CHST8: variants seen among roughly 807,000 people sequenced by gnomAD.
The protein encoded by CHST8 is carbohydrate sulfotransferase 8.
In CHST8, 10 loss-of-function variants were observed where a neutral mutation model predicts 15.0. The ratio of observed to expected loss-of-function variants is 0.67; its 90% CI spans 0.41 to 1.13. The LOEUF (loss-of-function observed/expected upper bound fraction) is 1.13. CHST8 is among the 50% of genes most tolerant of loss of function. CHST8 has a pLI of 0.00. For missense variants in CHST8, 634 were observed against 608.2 expected (o/e 1.04, Z -0.45); for synonymous variants, 259 against 256.6 (o/e 1.01, Z -0.09).
In CHST8 at chr19:33,745,358, C is replaced by T. The variant is rs373567461; in HGVS notation, c.131-26055C>T. On this transcript the variant is annotated intron_variant, in intron 3 of 4. Coordinates refer to ENST00000650847, the MANE Select transcript of CHST8 (RefSeq NM_001127895.2). Reference sequence around the variant, plus strand: ...GCCAGGGCATTTTCTTCCACTGGTACGCCATCCTAGTTTATCATCAATAAA... The same window carrying T: ...GCCAGGGCATTTTCTTCCACTGGTATGCCATCCTAGTTTATCATCAATAAA... Among the ~76,000 whole-genome samples the T allele has an allele frequency of 7.9e-5, 12 of 152,350 alleles. 1 individual carries two copies. Among genetic ancestry groups the T allele is most frequent in the South Asian group, 2.1e-4 (1 of 4,828 alleles).
At chr19:33,640,508 A>G (rs1447059357) in intron 1 of CHST8, among the ~76,000 whole-genome samples, 2 of 152,160 alleles carry the variant, frequency 1.3e-5, no homozygotes, top group African/African-American at 4.8e-5. Flanking sequence ...TTGAGAGCCC[A>G]TGGATGTCTT....
intron 1 of CHST8, among the ~76,000 whole-genome samples, chr19:33,652,308 C>T (rs1454708651): frequency 6.6e-6 from 1 of 150,380 alleles, no homozygotes; most frequent in Non-Finnish European, 1.5e-5. Context: ...GAAAGTGTCC[C>T]TCTAGTAAGT....
intron 3 of CHST8, among the ~76,000 whole-genome samples, chr19:33,742,060 T>A (rs961011640): frequency 1.3e-5 from 2 of 151,812 alleles, no homozygotes; most frequent in African/African-American, 4.8e-5. Context: ...CAGATGTAAA[T>A]GTCAAAAAAA....
At chr19:33,691,055 C>T (rs1029397236) in intron 3 of CHST8, among the ~76,000 whole-genome samples, 1 of 152,154 alleles carries the variant, frequency 6.6e-6, no homozygotes, top group Non-Finnish European at 1.5e-5. Context: ...CTGGACCCAT[C>T]GGTGGGACAC....
At chr19:33,623,256 C>T (rs1325402251) in intron 1 of CHST8, among the ~76,000 whole-genome samples, 2 of 152,228 alleles carry the variant, frequency 1.3e-5, no homozygotes, top group African/African-American at 4.8e-5. Context: ...CTGTTTTAAC[C>T]CAGAAGTAGG....
chr19:33,694,515 G>A (rs1296219271), intron 3 of CHST8, among the ~76,000 whole-genome samples: 1 of 151,946 alleles, frequency 6.6e-6, no homozygotes, highest in Non-Finnish European at 1.5e-5. Context: ...AGGGCATGGG[G>A]AAATTTAACG....
intron 2 of CHST8, among the ~76,000 whole-genome samples, chr19:33,673,061 C>T (rs1432334157): frequency 6.6e-6 from 1 of 152,182 alleles, no homozygotes; most frequent in Non-Finnish European, 1.5e-5. Flanking sequence ...TGTATATAGC[C>T]AGAAGGAGTA....
At chr19:33,723,217 T>C (rs1409939703) in intron 3 of CHST8, among the ~76,000 whole-genome samples, 2 of 152,046 alleles carry the variant, frequency 1.3e-5, no homozygotes, top group Non-Finnish European at 2.9e-5. Flanking sequence ...TACCTGTGAG[T>C]GTGTGTGTAT....
intron 3 of CHST8, among the ~76,000 whole-genome samples, chr19:33,714,884 C>T (rs1470172326): frequency 6.6e-6 from 1 of 152,188 alleles, no homozygotes; most frequent in Non-Finnish European, 1.5e-5. Flanking sequence ...TCCAATAAAC[C>T]TCTTTCTTTT....
chr19:33,772,009 G>A lies in CHST8; in HGVS notation c.221G>A (p.Arg74Lys), dbSNP rs373903458. 2 of 1,603,704 alleles carry A rather than the reference G, an allele frequency of 1.2e-6. No homozygotes were observed. Among genetic ancestry groups the A allele is most frequent in the Non-Finnish European group, 1.7e-6 (2 of 1,176,628 alleles). The change falls in exon 5 of 5, where the codon AGG (arginine) becomes AAG (lysine). Residue 74 changes from arginine (R) to lysine (K), a missense_variant. Transcript: ENST00000650847. Reference sequence around the variant, plus strand: ...GGTGACTTGAAGGAACCCACAGAGAGGGTCACTCGGGACTTATCCAGTGGG... The same window carrying A: ...GGTGACTTGAAGGAACCCACAGAGAAGGTCACTCGGGACTTATCCAGTGGG... Reference protein sequence around the residue: ...QDGDLKEPTERVTRDLSSGAP... With the variant: ...QDGDLKEPTEKVTRDLSSGAP...
chr19:33,672,326 G>T (rs1001221589), intron 2 of CHST8, among the ~76,000 whole-genome samples: 2 of 151,912 alleles, frequency 1.3e-5, no homozygotes, highest in Non-Finnish European at 2.9e-5. Context: ...GCCTCCCCAG[G>T]AGCTAGGATT....
chr19:33,692,355 A>G (rs1444613628), intron 3 of CHST8, among the ~76,000 whole-genome samples: 2 of 152,084 alleles, frequency 1.3e-5, no homozygotes, highest in African/African-American at 4.8e-5. Context: ...GACAAGACTT[A>G]CCTCTTCTCC....
Position 33,772,027 on chromosome 19 carries a change from C to A in CHST8, c.239C>A (p.Ser80Tyr). 6.2e-7 allele frequency: 1 copy of A among 1,611,630 alleles called. No homozygotes were observed. The highest frequency in any genetic ancestry group is 8.5e-7 in the Non-Finnish European group (1 of 1,179,474). Residue 80 changes from serine (S) to tyrosine (Y), a missense_variant, in exon 5 of 5, where the codon TCC (serine) becomes TAC (tyrosine). Physicochemically the swap from Ser to Tyr is moderately radical, Grantham distance 144. Coordinates refer to ENST00000650847, the MANE Select transcript of CHST8 (RefSeq NM_001127895.2). ...ACAGAGAGGGTCACTCGGGACTTAT[C>A]CAGTGGGGCCCCGAGGGGCCGCAAC... ...EPTERVTRDL[S>Y]SGAPRGRNLP... is the part of the protein sequence containing the mutation.
chr19:33,754,149 G>GC, intron 3 of CHST8, among the ~76,000 whole-genome samples: 1 of 138,588 alleles, frequency 7.2e-6, no homozygotes, highest in African/African-American at 2.8e-5. Context: ...ACATCAGTGT[G>GC]CCCCCCGTGT....
At chr19:33,648,965 G>A (rs866393820) in intron 1 of CHST8, among the ~76,000 whole-genome samples, 12 of 140,012 alleles carry the variant, frequency 8.6e-5, no homozygotes, top group African/African-American at 3.3e-4. Context: ...GTGCAGTGGG[G>A]CGATCTCGGC....
chr19:33,666,085 G>A (rs993759154), intron 1 of CHST8, among the ~76,000 whole-genome samples: 12 of 152,212 alleles, frequency 7.9e-5, no homozygotes, highest in Admixed American at 5.2e-4. Context: ...AAGAAGCAAC[G>A]TTGGCTGCAC....
chr19:33,683,830 T>C (rs1301701584), intron 2 of CHST8, among the ~76,000 whole-genome samples: 2 of 152,204 alleles, frequency 1.3e-5, no homozygotes, highest in Non-Finnish European at 1.5e-5. Flanking sequence ...GTCACCGCGA[T>C]GGTGCTCTCA....
rs548352600 is a variant in CHST8, at chr19:33,735,957, G to A, written c.131-35456G>A. ...ATGTGTATTTTCTAAGGCACCACCC[G>A]CCACCTGGCAATGTCCTTACAAAAG... On this transcript the variant is annotated intron_variant, in intron 3 of 4. Transcript: ENST00000650847. Among the ~76,000 whole-genome samples, 45 of 152,310 alleles carry A rather than the reference G, an allele frequency of 3.0e-4. 2 individuals carry two copies. The South Asian group carries it at 7.5e-3, about 25-fold the overall frequency.
rs568744157 is a variant in CHST8 at position 33,753,185 on chromosome 19, C to T, written c.131-18228C>T. ...GGAACGGCACAGCCAGAGCCTGCACCTTCACCAGGGGGAGCGGCCAGGAGC... is the reference window on the plus strand; with the variant it reads ...GGAACGGCACAGCCAGAGCCTGCACTTTCACCAGGGGGAGCGGCCAGGAGC... On this transcript the variant is annotated intron_variant, in intron 3 of 4. Coordinates refer to ENST00000650847, the MANE Select transcript of CHST8 (RefSeq NM_001127895.2). Among the ~76,000 whole-genome samples the T allele has an allele frequency of 3.9e-5, 6 of 152,106 alleles. No homozygotes were observed. The East Asian group carries it at 7.7e-4, about 20-fold the overall frequency.
Sources: gnomAD v4.1 joint callset for allele counts (sites outside exome capture counted in the v4.1 genomes callset) on GRCh38, gnomAD v4.1.1 for gene constraint, MANE v1.5 for transcripts, NCBI Gene and HGNC (gene_info 2026-07-23, HGNC 2026-07-21) for gene names.